The following JMJD1C variants were observed in gnomAD, a reference collection of about 807,000 sequenced individuals.
JMJD1C encodes the protein jumonji domain containing 1C, also known as jumonji domain-containing protein 1C.
Under a neutral mutation model 245.3 loss-of-function variants are expected in JMJD1C, and 31 were observed. That is an observed-to-expected ratio of 0.13 (90% CI 0.09 to 0.17). JMJD1C has a LOEUF of 0.17. Ranked by LOEUF, JMJD1C falls within the 10% of genes least tolerant of loss-of-function variation. JMJD1C has a pLI of 1.00. For missense variants in JMJD1C, 2,691 were observed against 3,000.2 expected (o/e 0.90, Z 2.41); for synonymous variants, 1,057 against 1,017.4 (o/e 1.04, Z -0.74).
At chr10:63,467,703 T>A (rs1391869077), upstream of JMJD1C, among the ~76,000 whole-genome samples, 2 of 152,206 alleles carry the variant, frequency 1.3e-5, no homozygotes, top group Non-Finnish European at 2.9e-5. Context: ...CTAAAATCAG[T>A]GTAGATTAAG....
At chr10:63,342,334 A>G (rs555860874) in intron 2 of JMJD1C, among the ~76,000 whole-genome samples, 83 of 152,244 alleles carry the variant, frequency 5.5e-4, no homozygotes, top group Non-Finnish European at 1.0e-3. Context: ...TTGTGCATTC[A>G]TAACAGAACA....
At chr10:63,337,572 A>G (rs1290238664) in intron 2 of JMJD1C, among the ~76,000 whole-genome samples, 1 of 62,806 alleles carries the variant, frequency 1.6e-5, no homozygotes, top group South Asian at 5.7e-4. Context: ...AGAAAAGAAA[A>G]GAAAAGAAAA....
chr10:63,501,360 G>A (rs1251919386), intron 1 of JMJD1C, among the ~76,000 whole-genome samples: 3 of 152,148 alleles, frequency 2.0e-5, no homozygotes, highest in South Asian at 2.1e-4. Context: ...GATGTTAATC[G>A]TGCTTTTATT....
At chr10:63,487,218 C>G (rs974872956) in intron 1 of JMJD1C, among the ~76,000 whole-genome samples, 2 of 152,074 alleles carry the variant, frequency 1.3e-5, no homozygotes, top group Non-Finnish European at 1.5e-5. Flanking sequence ...GACTACCAGG[C>G]AAAATTAAGG....
chr10:63,491,505 G>T (rs1954174742), intron 1 of JMJD1C, among the ~76,000 whole-genome samples: 1 of 152,050 alleles, frequency 6.6e-6, no homozygotes, highest in Non-Finnish European at 1.5e-5. Flanking sequence ...CTTACTTGTG[G>T]ACTGTTTTAA....
At chr10:63,322,096 C>T (rs1300999177) in intron 2 of JMJD1C, among the ~76,000 whole-genome samples, 1 of 152,216 alleles carries the variant, frequency 6.6e-6, no homozygotes, top group African/African-American at 2.4e-5. Context: ...TCCCCCAAAG[C>T]TTTCAAAACA....
chr10:63,234,679 T>G (rs1850498690), intron 3 of JMJD1C, among the ~76,000 whole-genome samples: 1 of 149,712 alleles, frequency 6.7e-6, no homozygotes, highest in Admixed American at 6.6e-5. Flanking sequence ...ACGCTTGTAA[T>G]CCTAGCACTT....
At chr10:63,421,662 C>A (rs1033244413) in intron 1 of JMJD1C, among the ~76,000 whole-genome samples, 1 of 152,142 alleles carries the variant, frequency 6.6e-6, no homozygotes, top group Admixed American at 6.5e-5. Context: ...CAGATAGGAC[C>A]TTTAAGGAGA....
chr10:63,360,321 A>C (rs1194773476), intron 2 of JMJD1C, among the ~76,000 whole-genome samples: 1 of 152,178 alleles, frequency 6.6e-6, no homozygotes, highest in Non-Finnish European at 1.5e-5. Context: ...TAATCATGCC[A>C]CTGCATTTCA....
intron 2 of JMJD1C, among the ~76,000 whole-genome samples, chr10:63,311,148 A>G (rs1051796817): frequency 2.6e-5 from 4 of 151,722 alleles, no homozygotes; most frequent in African/African-American, 9.7e-5. Flanking sequence ...AGGCAGGCAG[A>G]TCACCTGAGG....
At chr10:63,324,039 C>CCT (rs1554887521) in intron 2 of JMJD1C, among the ~76,000 whole-genome samples, 2 of 136,132 alleles carry the variant, frequency 1.5e-5, no homozygotes, top group African/African-American at 2.7e-5. Flanking sequence ...CTTCGTCTGC[C>CCT]TTTTTTTTTT....
chr10:63,413,721 G>C (rs1476805660), intron 1 of JMJD1C, among the ~76,000 whole-genome samples: 1 of 151,120 alleles, frequency 6.6e-6, no homozygotes, highest in Non-Finnish European at 1.5e-5. Context: ...TTTAACTTTA[G>C]GAAGTATTTT....
chr10:63,258,571 T>C (rs1381376620), intron 3 of JMJD1C, among the ~76,000 whole-genome samples: 1 of 152,214 alleles, frequency 6.6e-6, no homozygotes, highest in Non-Finnish European at 1.5e-5. Flanking sequence ...ACACCAATTA[T>C]GCTGTTCCTC....
chr10:63,174,101 T>C (rs571316007), intron 24 of JMJD1C, among the ~76,000 whole-genome samples: 3 of 152,258 alleles, frequency 2.0e-5, no homozygotes, highest in East Asian at 1.9e-4. Flanking sequence ...GAAATGAAAA[T>C]GGAACAACCA....
At chr10:63,350,017 A>C (rs1944211149) in intron 2 of JMJD1C, among the ~76,000 whole-genome samples, 1 of 152,228 alleles carries the variant, frequency 6.6e-6, no homozygotes. Flanking sequence ...TATGACAAGC[A>C]TCCTACGATG....
chr10:63,500,370 C>G (rs2133246431), intron 1 of JMJD1C, among the ~76,000 whole-genome samples: 1 of 151,878 alleles, frequency 6.6e-6, no homozygotes, highest in South Asian at 2.1e-4. Flanking sequence ...TTGCAATGAG[C>G]CAATACCATG....
chr10:63,326,926 C>T (rs1252273977), intron 2 of JMJD1C, among the ~76,000 whole-genome samples: 1 of 152,134 alleles, frequency 6.6e-6, no homozygotes, highest in African/African-American at 2.4e-5. Context: ...GTGGCTCATG[C>T]CTGTAATCCC....
At position 63,272,729 on chromosome 10, in the gene JMJD1C, C is replaced by T. The variant is rs564226903; in HGVS notation, c.334-7965G>A. 2.6e-5 allele frequency among the ~76,000 whole-genome samples: 4 copies of T among 152,260 alleles called. No homozygotes were observed. The South Asian group carries it at 8.3e-4, about 32-fold the overall frequency. ...CAAAAAAAGCAAATGCTTAATACAG[C>T]TTAATATAACAAACTATCAAATTTT... On this transcript the variant is annotated intron_variant, in intron 2 of 25. Transcript: ENST00000399262.
At position 63,474,367 on chromosome 10, in the gene JMJD1C, T is replaced by TA. The variant is rs904145511; in HGVS notation, n.113+47370dup. 9.2e-5 allele frequency among the ~76,000 whole-genome samples: 14 copies of TA among 152,182 alleles called. 1 individual carries two copies. The highest frequency in any genetic ancestry group is 1.5e-5 in the Non-Finnish European group (1 of 68,026). ...CGGGCAGCCGTGAAGAAAAGTGTTT[T>TA]AGGATGAGAGAGATACATACTTGAA... On this transcript the variant is annotated intron_variant and non_coding_transcript_variant, in intron 1 of 3. Coordinates refer to the JMJD1C transcript ENST00000633035.
Sources: allele counts gnomAD v4.1 joint callset (sites outside exome capture counted in the v4.1 genomes callset), GRCh38; gene constraint gnomAD v4.1.1; transcripts MANE v1.5; gene names NCBI Gene and HGNC (gene_info 2026-07-23, HGNC 2026-07-21).